The following DSCAML1 variants were observed in gnomAD, a reference collection of about 807,000 sequenced individuals.
The protein encoded by DSCAML1 is DS cell adhesion molecule like 1, also known as cell adhesion molecule DSCAML1.
A neutral mutation model predicts 200.5 loss-of-function variants in DSCAML1; 38 were observed. The ratio of observed to expected loss-of-function variants is 0.19; its 90% confidence interval spans 0.15 to 0.25. The LOEUF (loss-of-function observed/expected upper bound fraction) is 0.25. Ranked by LOEUF, DSCAML1 falls within the 10% of genes least tolerant of loss-of-function variation. The pLI is 1.00. For missense variants in DSCAML1, 2,223 were observed against 2,858.8 expected, an observed-to-expected ratio of 0.78 and a Z score of 5.07; for synonymous variants, 1,215 against 1,165.0, an observed-to-expected ratio of 1.04 and a Z score of -0.87.
intron 1 of DSCAML1, among the ~76,000 whole-genome samples, chr11:117,804,914 G>A (rs2055696796): frequency 6.7e-6 from 1 of 148,254 alleles, no homozygotes; most frequent in Admixed American, 6.8e-5. Flanking sequence ...CTGGGTGACA[G>A]ACTCTGTCTC....
intron 3 of DSCAML1, among the ~76,000 whole-genome samples, chr11:117,565,370 C>A (rs892247677): frequency 6.6e-6 from 1 of 152,224 alleles, no homozygotes; most frequent in Admixed American, 6.5e-5. Context: ...CAATGGATTA[C>A]TGTAAACTCC....
chr11:117,452,828 A>G (rs1313391912), intron 19 of DSCAML1, among the ~76,000 whole-genome samples: 2 of 152,204 alleles, frequency 1.3e-5, no homozygotes, highest in Non-Finnish European at 2.9e-5. Flanking sequence ...TAGTTTACCA[A>G]AGTCTAATAT....
chr11:117,587,256 C>CCCT (rs141734075), intron 3 of DSCAML1, among the ~76,000 whole-genome samples: 10,291 of 148,824 alleles, frequency 0.069, 1,242 homozygotes, highest in African/African-American at 0.24. Context: ...CTTTCCAACC[C>CCCT]CCCCCCACGA....
intron 11 of DSCAML1, among the ~76,000 whole-genome samples, chr11:117,485,891 T>C (rs1212464662): frequency 6.6e-6 from 1 of 152,244 alleles, no homozygotes; most frequent in African/African-American, 2.4e-5. Flanking sequence ...GTGGCTCTTC[T>C]TGGCCTGGCC....
chr11:117,460,554 T>A (rs925876775), intron 18 of DSCAML1, among the ~76,000 whole-genome samples: 8 of 152,038 alleles, frequency 5.3e-5, no homozygotes, highest in African/African-American at 9.7e-5. Context: ...AATGGAGCAT[T>A]TCCACAGTAT....
intron 3 of DSCAML1, among the ~76,000 whole-genome samples, chr11:117,742,149 C>T (rs1192613041): frequency 2.0e-5 from 3 of 152,174 alleles, no homozygotes; most frequent in Non-Finnish European, 2.9e-5. Flanking sequence ...AGGAAAGTCT[C>T]AGGGATGCAT....
chr11:117,750,067 G>A (rs999611275), intron 3 of DSCAML1, among the ~76,000 whole-genome samples: 4 of 152,192 alleles, frequency 2.6e-5, no homozygotes, highest in African/African-American at 4.8e-5. Context: ...TCTTGTTCTC[G>A]ATTTGTCCTA....
intron 11 of DSCAML1, among the ~76,000 whole-genome samples, chr11:117,493,075 G>GT (rs1268596575): frequency 6.6e-6 from 1 of 152,164 alleles, no homozygotes; most frequent in Non-Finnish European, 1.5e-5. Flanking sequence ...GGGCCGAACA[G>GT]TATGTGTGCA....
intron 3 of DSCAML1, among the ~76,000 whole-genome samples, chr11:117,687,375 C>T (rs2053418119): frequency 6.6e-6 from 1 of 151,354 alleles, no homozygotes; most frequent in Non-Finnish European, 1.5e-5. Context: ...ATCCTCCTAC[C>T]TCAGCCTCGC....
intron 3 of DSCAML1, among the ~76,000 whole-genome samples, chr11:117,667,973 T>C (rs1482271075): frequency 6.6e-6 from 1 of 152,232 alleles, no homozygotes; most frequent in Non-Finnish European, 1.5e-5. Flanking sequence ...AGAAAGCAAG[T>C]TGACCTGACT....
At chr11:117,491,828 C>G (rs539835403) in intron 11 of DSCAML1, among the ~76,000 whole-genome samples, 2 of 152,054 alleles carry the variant, frequency 1.3e-5, no homozygotes, top group East Asian at 3.9e-4. Flanking sequence ...CAGTAGACAT[C>G]GAAGTAGAAT....
At chr11:117,616,296 C>T (rs2051810436) in intron 3 of DSCAML1, among the ~76,000 whole-genome samples, 1 of 152,156 alleles carries the variant, frequency 6.6e-6, no homozygotes, top group African/African-American at 2.4e-5. Flanking sequence ...AAAATGATCC[C>T]ACTGCTGGAG....
chr11:117,700,892 G>A (rs755268058), intron 3 of DSCAML1, among the ~76,000 whole-genome samples: 8 of 152,304 alleles, frequency 5.3e-5, no homozygotes, highest in East Asian at 1.9e-4. Context: ...AGGGTTCACC[G>A]CCTACCCTTA....
chr11:117,460,665 A>G (rs1019538801), intron 18 of DSCAML1, among the ~76,000 whole-genome samples: 3 of 152,076 alleles, frequency 2.0e-5, no homozygotes, highest in African/African-American at 7.2e-5. Context: ...GCGGGAAGCT[A>G]CTCAAACCTG....
chr11:117,608,422 T>C (rs1657149701), intron 3 of DSCAML1, among the ~76,000 whole-genome samples: 1 of 152,248 alleles, frequency 6.6e-6, no homozygotes. Context: ...TTTGGTGTCT[T>C]TTCTTAATAC....
intron 5 of DSCAML1, 149 bp from the exon 6 acceptor site, chr11:117,521,554 G>C (rs1340243453): frequency 1.3e-6 from 1 of 766,490 alleles, no homozygotes; most frequent in Non-Finnish European, 2.1e-6. Flanking sequence ...ACTGGGACTG[G>C]GGAATTCCTT....
chr11:117,511,663 C>T (rs1333968558), intron 8 of DSCAML1, among the ~76,000 whole-genome samples: 1 of 152,224 alleles, frequency 6.6e-6, no homozygotes, highest in Non-Finnish European at 1.5e-5. Context: ...CCTCCACCCT[C>T]TCTCCTCTCT....
At chr11:117,679,350 C>T (rs2053274150) in intron 3 of DSCAML1, among the ~76,000 whole-genome samples, 1 of 152,200 alleles carries the variant, frequency 6.6e-6, no homozygotes, top group Admixed American at 6.5e-5. Flanking sequence ...AGCCCTTCCT[C>T]CCCAGAGAGG....
intron 3 of DSCAML1, among the ~76,000 whole-genome samples, chr11:117,595,777 TA>T (rs879261803): frequency 1.9e-3 from 272 of 142,348 alleles, no homozygotes; most frequent in Middle Eastern, 3.6e-3. Flanking sequence ...CATGTATGGC[TA>T]AAAAAAAAAA....
Sources: allele counts gnomAD v4.1 joint callset (sites outside exome capture counted in the v4.1 genomes callset), GRCh38; gene constraint gnomAD v4.1.1; transcripts MANE v1.5; gene names NCBI Gene and HGNC (gene_info 2026-07-23, HGNC 2026-07-21).